Variants in BCKDHA observed in about 807,000 individuals in gnomAD.
BCKDHA encodes the protein branched chain keto acid dehydrogenase E1 subunit alpha.
A neutral mutation model predicts 52.2 loss-of-function variants in BCKDHA; 43 were observed. That is an observed-to-expected ratio of 0.82 (90% CI 0.64 to 1.06). The LOEUF (loss-of-function observed/expected upper bound fraction) is 1.06, where lower values mean the gene tolerates loss of function less well. Among genes scored for constraint, BCKDHA ranks in the 50% least tolerant of loss-of-function variants. BCKDHA has a pLI of 0.00. For synonymous variants in BCKDHA, 234 were observed against 247.9 expected, an observed-to-expected ratio of 0.94 and a Z score of 0.53; for missense variants, 527 against 621.3, an observed-to-expected ratio of 0.85 and a Z score of 1.61.
At chr19:41,412,665 A>C (rs1354751487) in intron 3 of BCKDHA, among the ~76,000 whole-genome samples, 2 of 151,190 alleles carry the variant, frequency 1.3e-5, no homozygotes, top group African/African-American at 4.9e-5. Context: ...GGTGTGAGCC[A>C]CTGCACCCAG....
intron 1 of BCKDHA, among the ~76,000 whole-genome samples, chr19:41,404,071 C>T (rs1459248880): frequency 6.6e-6 from 1 of 152,058 alleles, no homozygotes; most frequent in Non-Finnish European, 1.5e-5. Context: ...CCTCTGCCTC[C>T]TCGGCTCAAG....
At chr19:41,398,559 AAGG>A (rs1211383192) in intron 1 of BCKDHA, among the ~76,000 whole-genome samples, 3 of 152,192 alleles carry the variant, frequency 2.0e-5, no homozygotes, top group African/African-American at 7.2e-5. Context: ...GAGGGGAAAA[AAGG>A]AGGGAGAGAG....
chr19:41,423,113 C>A lies in BCKDHA; in HGVS notation c.1111C>A (p.Gln371Lys). The change falls in exon 8 of 9, where the codon CAA becomes AAA. Residue 371 changes from glutamine (Q) to lysine (K), a missense_variant. Gln to Lys is a moderately conservative substitution (Grantham distance 53, BLOSUM62 1). Transcript: ENST00000269980. The stretch of plus-strand genomic sequence containing the variant: ...CCGGCTGCGGCACTATCTGCTGAGC[C>A]AAGGCTGGTGGGATGAGGAGCAGGA... Reference protein sequence around the residue: ...ISRLRHYLLSQGWWDEEQEKA... With the variant: ...ISRLRHYLLSKGWWDEEQEKA... 6.4e-7 allele frequency: 1 copy of A among 1,564,628 alleles called. No homozygotes were observed.
At chr19:41,422,126 G>A (rs2039372296) in intron 5 of BCKDHA, 38 bp from the exon 6 acceptor site, 2 of 1,589,522 alleles carry the variant, frequency 1.3e-6, no homozygotes, top group Admixed American at 1.7e-5. Flanking sequence ...GTGCATGTGA[G>A]TCTCCGCCCC....
At chr19:41,415,855 G>C (rs1336970793) in intron 4 of BCKDHA, among the ~76,000 whole-genome samples, 1 of 149,338 alleles carries the variant, frequency 6.7e-6, no homozygotes, top group Admixed American at 6.7e-5. Context: ...CACCATGTTA[G>C]CCAGGATGGT....
intron 3 of BCKDHA, among the ~76,000 whole-genome samples, chr19:41,412,376 A>ATTTTTTTTTTTTTTTTTTT (rs1199996566): frequency 3.9e-4 from 18 of 46,316 alleles, no homozygotes; most frequent in South Asian, 2.0e-3. Flanking sequence ...GTCTGTAGAT[A>ATTTTTTTTTTTTTTTTTTT]TTTCTTTTTT....
At chr19:41,410,015 G>C (rs1280733230) in intron 1 of BCKDHA, among the ~76,000 whole-genome samples, 1 of 152,126 alleles carries the variant, frequency 6.6e-6, no homozygotes, top group East Asian at 1.9e-4. Context: ...TGGCCACATT[G>C]ATCTCGAACT....
intron 1 of BCKDHA, among the ~76,000 whole-genome samples, chr19:41,402,454 A>G (rs117196001): frequency 2.1e-3 from 325 of 152,242 alleles, no homozygotes; most frequent in Non-Finnish European, 3.5e-3. Flanking sequence ...CCAATAGTGC[A>G]AGGCCTTTAT....
chr19:41,420,634 C>T (rs780522417), intron 5 of BCKDHA, among the ~76,000 whole-genome samples: 2 of 151,970 alleles, frequency 1.3e-5, no homozygotes, highest in African/African-American at 2.4e-5. Flanking sequence ...GGAAGTCACT[C>T]GCTAACGGTC....
Position 41,412,380 on chromosome 19 carries a change from CT to C in BCKDHA, c.375+1389del, listed in dbSNP as rs530972813. On this transcript the variant is annotated intron_variant, in intron 3 of 8. Coordinates refer to ENST00000269980, the MANE Select transcript of BCKDHA (RefSeq NM_000709.4). ...TCATTCCCTCTGTCTGTAGATATTT[CT>C]TTTTTTTTTTTTTTTTTACTTTTGA... is the stretch of plus-strand genomic sequence containing the variant. 3.7e-3 allele frequency among the ~76,000 whole-genome samples: 243 copies of C among 65,864 alleles called. 7 individuals carry two copies. Among genetic ancestry groups the C allele is most frequent in the Middle Eastern group, 0.012 (1 of 82 alleles). 43.2% of individuals were successfully genotyped at this position (65,864 alleles called of 152,430 possible). A position where few individuals can be genotyped will look rare whatever the true frequency, so the allele number is the denominator to read the frequency against.
intron 1 of BCKDHA, among the ~76,000 whole-genome samples, chr19:41,408,860 T>C (rs2039222025): frequency 6.6e-6 from 1 of 152,132 alleles, no homozygotes; most frequent in South Asian, 2.1e-4. Flanking sequence ...CAAGTAATCC[T>C]TGAGCCCAAA....
intron 3 of BCKDHA, among the ~76,000 whole-genome samples, 199 bp from the exon 4 acceptor site, chr19:41,413,850 A>G (rs1227025734): frequency 6.6e-6 from 1 of 152,074 alleles, no homozygotes; most frequent in East Asian, 1.9e-4. Flanking sequence ...TATCACAGCA[A>G]CTCGATCCCT....
intron 4 of BCKDHA, among the ~76,000 whole-genome samples, chr19:41,417,235 C>G (rs567825797): frequency 6.6e-6 from 1 of 152,102 alleles, no homozygotes; most frequent in East Asian, 1.9e-4. Context: ...AGGCTGGTCT[C>G]AAACTCCTGA....
chr19:41,418,840 A>G (rs1568506433), intron 4 of BCKDHA: 1 of 429,442 alleles, frequency 2.3e-6, no homozygotes, highest in Middle Eastern at 3.9e-4. Flanking sequence ...ATGCCTGGCC[A>G]TAGTAATGAT....
At chr19:41,400,538 C>T (rs771484738) in intron 1 of BCKDHA, among the ~76,000 whole-genome samples, 2 of 152,114 alleles carry the variant, frequency 1.3e-5, no homozygotes, top group Middle Eastern at 3.4e-3. Context: ...CTGTGCCTGG[C>T]TGCGCCTGGC....
At chr19:41,402,629 A>G (rs554223631) in intron 1 of BCKDHA, among the ~76,000 whole-genome samples, 9 of 152,080 alleles carry the variant, frequency 5.9e-5, no homozygotes, top group Non-Finnish European at 1.2e-4. Context: ...TTCTTAGTCC[A>G]GTATTGGCTT....
chr19:41,405,268 T>G (rs2039180581), intron 1 of BCKDHA, among the ~76,000 whole-genome samples: 1 of 152,128 alleles, frequency 6.6e-6, no homozygotes, highest in African/African-American at 2.4e-5. Context: ...AAACTGAGGC[T>G]CAGGGAGTTT....
At chr19:41,423,810 C>G (rs545678705) in intron 8 of BCKDHA, among the ~76,000 whole-genome samples, 38 of 146,816 alleles carry the variant, frequency 2.6e-4, no homozygotes, top group African/African-American at 9.8e-4. Context: ...CCAGCCTGGG[C>G]AACGAGAGCA....
intron 4 of BCKDHA, among the ~76,000 whole-genome samples, chr19:41,414,978 G>T (rs146668594): frequency 4.6e-5 from 7 of 152,296 alleles, no homozygotes; most frequent in Non-Finnish European, 5.9e-5. Flanking sequence ...GGGCAGTCTT[G>T]GGGCAGTTGG....
Sources: allele counts gnomAD v4.1 joint callset (sites outside exome capture counted in the v4.1 genomes callset), GRCh38; gene constraint gnomAD v4.1.1; transcripts MANE v1.5; gene names NCBI Gene and HGNC (gene_info 2026-07-23, HGNC 2026-07-21).